Variants in ZRANB3 observed in about 807,000 individuals in gnomAD.
ZRANB3 encodes zinc finger RANBP2-type containing 3.
A neutral mutation model predicts 133.8 loss-of-function variants in ZRANB3; 125 were observed. The observed-to-expected ratio is 0.93, with a 90% CI of 0.81 to 1.08. The LOEUF (loss-of-function observed/expected upper bound fraction) is 1.08. ZRANB3 is among the 50% of genes least tolerant of loss of function. The probability of loss-of-function intolerance (pLI) is 0.00; values close to 1 mark genes in which losing one functional copy is unlikely to be tolerated. For synonymous variants in ZRANB3, 387 were observed against 432.7 expected (o/e 0.89, Z 1.31); for missense variants, 1,229 against 1,275.5 (o/e 0.96, Z 0.56).
At chr2:135,430,126 C>T (rs1036129382) in intron 2 of ZRANB3, among the ~76,000 whole-genome samples, 9 of 151,844 alleles carry the variant, frequency 5.9e-5, no homozygotes, top group African/African-American at 1.5e-4. Flanking sequence ...CACTGAGCCA[C>T]GATCACACCA....
chr2:135,470,842 C>T (rs1162413814), intron 2 of ZRANB3, among the ~76,000 whole-genome samples: 4 of 148,888 alleles, frequency 2.7e-5, no homozygotes, highest in Non-Finnish European at 5.9e-5. Context: ...CACTCTGTCG[C>T]CCAGGCTGGA....
At chr2:135,503,925 G>A (rs1487948410) in intron 2 of ZRANB3, among the ~76,000 whole-genome samples, 5 of 151,776 alleles carry the variant, frequency 3.3e-5, no homozygotes, top group African/African-American at 9.7e-5. Flanking sequence ...AGCCAAGATC[G>A]TACCACTACA....
rs376470067 is a variant in ZRANB3, at chr2:135,480,721, G to A, written c.161+23608C>T. 1.5e-4 allele frequency among the ~76,000 whole-genome samples: 22 copies of A among 147,896 alleles called. 1 individual carries two copies. In the East Asian group the frequency reaches 2.8e-3, roughly 19 times the overall value. On this transcript the variant is annotated intron_variant, in intron 2 of 20. Coordinates refer to ENST00000264159, the MANE Select transcript of ZRANB3 (RefSeq NM_032143.4). ...GCTGTTGTGCTGCACCCACTAACTC[G>A]TCATCTAGCATTAGGTATATCTCCC...
chr2:135,211,432 C>G (rs1694092774), intron 17 of ZRANB3, among the ~76,000 whole-genome samples: 1 of 151,942 alleles, frequency 6.6e-6, no homozygotes, highest in Non-Finnish European at 1.5e-5. Flanking sequence ...TCCCAGCTAC[C>G]TGGGAGGCAG....
At chr2:135,252,726 T>A (rs941743945) in intron 12 of ZRANB3, among the ~76,000 whole-genome samples, 1 of 152,192 alleles carries the variant, frequency 6.6e-6, no homozygotes, top group Non-Finnish European at 1.5e-5. Context: ...TCACTGCTCA[T>A]CCAAATTAAC....
At chr2:135,301,014 T>C (rs536270419) in intron 8 of ZRANB3, among the ~76,000 whole-genome samples, 1 of 151,976 alleles carries the variant, frequency 6.6e-6, no homozygotes, top group East Asian at 1.9e-4. Context: ...TCCTCTTCTT[T>C]TTGAGAAGAG....
Position 135,472,075 on chromosome 2 carries a change from A to G in ZRANB3, c.161+32254T>C, listed in dbSNP as rs555788738. Among the ~76,000 whole-genome samples the G allele has an allele frequency of 1.7e-4, 26 of 152,362 alleles. No individual in the cohort carries two copies. In the South Asian group the frequency reaches 5.4e-3, roughly 32 times the overall value. ...AGAGACTTGAGAGGCTCATGGCATT[A>G]TAAAGAAAAGCACCAACTTTATATC... On this transcript the variant is annotated intron_variant, in intron 2 of 20. Coordinates refer to ENST00000264159, the MANE Select transcript of ZRANB3 (RefSeq NM_032143.4).
intron 8 of ZRANB3, among the ~76,000 whole-genome samples, chr2:135,301,626 A>C (rs1682436842): frequency 1.3e-5 from 2 of 152,284 alleles, no homozygotes; most frequent in Non-Finnish European, 2.9e-5. Context: ...GAGTTTCCAC[A>C]AACTGTTTCA....
At chr2:135,283,420 C>T (rs892392682) in intron 8 of ZRANB3, among the ~76,000 whole-genome samples, 7 of 151,976 alleles carry the variant, frequency 4.6e-5, no homozygotes, top group African/African-American at 1.2e-4. Context: ...ACCATCCTGG[C>T]TAACATGGTG....
At chr2:135,215,230 T>G (rs1344950301) in intron 17 of ZRANB3, among the ~76,000 whole-genome samples, 1 of 150,996 alleles carries the variant, frequency 6.6e-6, no homozygotes, top group Non-Finnish European at 1.5e-5. Context: ...TATTTTTTTA[T>G]TTTATTAATT....
At chr2:135,357,042 A>T (rs1685470669) in intron 3 of ZRANB3, among the ~76,000 whole-genome samples, 1 of 152,096 alleles carries the variant, frequency 6.6e-6, no homozygotes. Flanking sequence ...TTTTTAATAG[A>T]TTACATTCTC....
At chr2:135,430,984 T>C (rs1054905730) in intron 2 of ZRANB3, among the ~76,000 whole-genome samples, 1 of 151,758 alleles carries the variant, frequency 6.6e-6, no homozygotes, top group Non-Finnish European at 1.5e-5. Flanking sequence ...AAAGAAAACA[T>C]AGAATATCAG....
chr2:135,419,433 T>C (rs1688739289), intron 2 of ZRANB3, among the ~76,000 whole-genome samples: 1 of 151,864 alleles, frequency 6.6e-6, no homozygotes. Context: ...GAGAGAAAGA[T>C]AACCTAAATA....
At chr2:135,453,353 A>G (rs1690358306) in intron 2 of ZRANB3, among the ~76,000 whole-genome samples, 1 of 152,206 alleles carries the variant, frequency 6.6e-6, no homozygotes, top group South Asian at 2.1e-4. Flanking sequence ...GATTAACATT[A>G]GGCTCCTTGC....
chr2:135,355,156 ATTT>A, intron 3 of ZRANB3: 3 of 879,290 alleles, frequency 3.4e-6, no homozygotes, highest in Non-Finnish European at 2.7e-6. Context: ...TTGTTTATGT[ATTT>A]TTCTTTTAAC....
intron 2 of ZRANB3, among the ~76,000 whole-genome samples, chr2:135,479,518 C>G (rs1691663970): frequency 6.6e-6 from 1 of 152,014 alleles, no homozygotes; most frequent in Admixed American, 6.6e-5. Flanking sequence ...GCCTGTAACC[C>G]CAGCTACTCG....
chr2:135,461,329 G>A (rs540011106), intron 2 of ZRANB3, among the ~76,000 whole-genome samples: 3 of 152,274 alleles, frequency 2.0e-5, no homozygotes, highest in African/African-American at 4.8e-5. Flanking sequence ...CAGCACTTTC[G>A]GAGGCCAAAG....
intron 4 of ZRANB3, 46 bp from the exon 5 acceptor site, chr2:135,350,261 G>T: frequency 7.1e-7 from 1 of 1,402,006 alleles, no homozygotes; most frequent in Non-Finnish European, 9.8e-7. Flanking sequence ...CAGTAATGAC[G>T]TTATCATGAA....
chr2:135,457,499 C>A (rs1170165795), intron 2 of ZRANB3, among the ~76,000 whole-genome samples: 2 of 152,080 alleles, frequency 1.3e-5, no homozygotes, highest in Non-Finnish European at 2.9e-5. Context: ...TAGCCATCCT[C>A]ATGGGTAAGA....
Sources: gnomAD v4.1 joint callset for allele counts (sites outside exome capture counted in the v4.1 genomes callset) on GRCh38, gnomAD v4.1.1 for gene constraint, MANE v1.5 for transcripts, NCBI Gene and HGNC (gene_info 2026-07-23, HGNC 2026-07-21) for gene names.